ZC3H3: variants seen among roughly 807,000 people sequenced by gnomAD.
The protein encoded by ZC3H3 is zinc finger CCCH domain-containing protein 3.
ZC3H3 carries 36 observed loss-of-function variants against 77.3 expected under a neutral mutation model. The observed-to-expected ratio is 0.47, with a 90% confidence interval of 0.36 to 0.61. The LOEUF (loss-of-function observed/expected upper bound fraction) is 0.61. Ranked by LOEUF, ZC3H3 falls within the 20% of genes least tolerant of loss-of-function variation. ZC3H3 has a pLI of 0.00. For synonymous variants in ZC3H3, 626 were observed against 555.2 expected, an observed-to-expected ratio of 1.13 and a Z score of -1.79; for missense variants, 1,331 against 1,312.2, an observed-to-expected ratio of 1.01 and a Z score of -0.22.
chr8:143,440,355 G>T lies in ZC3H3; in HGVS notation c.2501C>A (p.Ser834Ter). ...VSASHGPRKP[S>*]ASQRPTRQTP... ...CTGCCTGGTGGGGCGCTGGGATGCT[G>T]AAGGCTTCCTGCAGGGAAGGAAGGG... The change falls in exon 11 of 12, where the codon TCA becomes TAA. Residue 834 changes from serine to a stop codon, truncating the protein, a stop_gained. Transcript: ENST00000262577. LOFTEE classifies it high-confidence loss of function. 1 of 1,525,316 alleles carries T rather than the reference G, an allele frequency of 6.6e-7. No individual in the cohort carries two copies. The highest frequency in any genetic ancestry group is 1.3e-5 in the South Asian group (1 of 78,824). The allele number at this position is 1,525,316 out of a possible 1,614,324, so 94.5% of individuals were successfully genotyped here. A position where few individuals can be genotyped will look rare whatever the true frequency, so the allele number is the denominator to read the frequency against.
intron 9 of ZC3H3, among the ~76,000 whole-genome samples, chr8:143,450,088 T>C: frequency 6.6e-6 from 1 of 152,232 alleles, no homozygotes; most frequent in Admixed American, 6.5e-5. Flanking sequence ...GTTTCCACAT[T>C]TTCAGGTATC....
intron 1 of ZC3H3, 124 bp downstream of exon 1, chr8:143,541,252 C>G (rs1417950957): frequency 1.3e-6 from 2 of 1,531,946 alleles, no homozygotes; most frequent in African/African-American, 2.8e-5. Flanking sequence ...CCTACCGTCC[C>G]CCACCCCAGC....
rs559566293 is a variant in ZC3H3 at position 143,479,457 on chromosome 8, G to A, written c.1716-3872C>T. ...GGCTCTGTAATTCCTTTTCCGCAAC[G>A]GGAGCTGCAGATCTAAAGGCCTCTC... On this transcript the variant is annotated intron_variant, in intron 4 of 11. Transcript: ENST00000262577. 5.9e-5 allele frequency among the ~76,000 whole-genome samples: 9 copies of A among 152,304 alleles called. No individual in the cohort carries two copies. In the South Asian group the frequency reaches 6.2e-4, roughly 11 times the overall value.
At chr8:143,500,977 CTTTT>C (rs36081285) in intron 4 of ZC3H3, among the ~76,000 whole-genome samples, 2 of 134,100 alleles carry the variant, frequency 1.5e-5, no homozygotes, top group Non-Finnish European at 3.2e-5. Context: ...CATGCCCGAC[CTTTT>C]TTTTTTTTTT....
rs886750764 is a variant in ZC3H3 at position 143,534,912 on chromosome 8, G to A, written c.1561+1345C>T. On this transcript the variant is annotated intron_variant, in intron 3 of 11. Transcript: ENST00000262577. ...CTGTGCTGCAACACCCGGCTGCATC[G>A]CCCCATTCAGCCCTCCACCTGGGAC... Among the ~76,000 whole-genome samples the A allele has an allele frequency of 6.6e-5, 10 of 151,806 alleles. No individual in the cohort carries two copies. The East Asian group carries it at 9.7e-4, about 15-fold the overall frequency.
chr8:143,532,531 G>A (rs1239861687), intron 3 of ZC3H3, among the ~76,000 whole-genome samples: 1 of 152,264 alleles, frequency 6.6e-6, no homozygotes, highest in Non-Finnish European at 1.5e-5. Flanking sequence ...CCACCTGGCT[G>A]CCCCATCCAC....
At chr8:143,502,556 G>A (rs1821557764) in intron 4 of ZC3H3, among the ~76,000 whole-genome samples, 1 of 152,332 alleles carries the variant, frequency 6.6e-6, no homozygotes, top group East Asian at 1.9e-4. Flanking sequence ...AGGCAGCCTC[G>A]TGACAGGACC....
intron 9 of ZC3H3, among the ~76,000 whole-genome samples, chr8:143,452,848 T>A (rs975776047): frequency 7.2e-5 from 11 of 152,252 alleles, no homozygotes; most frequent in Admixed American, 6.5e-5. Flanking sequence ...AGACCTAACA[T>A]TCATGTAACT....
intron 3 of ZC3H3, among the ~76,000 whole-genome samples, chr8:143,534,997 C>G (rs569557817): frequency 6.0e-4 from 91 of 152,218 alleles, no homozygotes; most frequent in Admixed American, 1.2e-3. Context: ...CCAGGCCCAG[C>G]TCCTTCCAGA....
chr8:143,513,812 C>T (rs546457164), intron 3 of ZC3H3, among the ~76,000 whole-genome samples: 40 of 152,348 alleles, frequency 2.6e-4, no homozygotes, highest in African/African-American at 9.4e-4. Flanking sequence ...GTCCGAGGCA[C>T]CTCCTGGAAG....
chr8:143,460,883 G>A lies in ZC3H3; in HGVS notation c.2307+4834C>T, dbSNP rs536601480. 1.3e-3 allele frequency among the ~76,000 whole-genome samples: 203 copies of A among 152,296 alleles called. No individual in the cohort carries two copies. The highest frequency in any genetic ancestry group is 2.6e-3 in the Non-Finnish European group (174 of 68,030). On this transcript the variant is annotated intron_variant, in intron 9 of 11. Transcript: ENST00000262577. This position sits in a 1 kb window ranked among gnomAD's most constrained non-coding sequence, Gnocchi z 4.0. ...CCAGACACCAAAGGACAGAATGTAC[G>A]ATTCCACTTAGAGGACATAGCTAGA...
At chr8:143,492,295 A>G (rs925032101) in intron 4 of ZC3H3, among the ~76,000 whole-genome samples, 7 of 151,982 alleles carry the variant, frequency 4.6e-5, no homozygotes, top group Non-Finnish European at 7.4e-5. Flanking sequence ...GGGGATACAC[A>G]CCACGGACTG....
intron 9 of ZC3H3, among the ~76,000 whole-genome samples, chr8:143,458,429 T>C (rs1820176559): frequency 6.8e-6 from 1 of 146,210 alleles, no homozygotes; most frequent in African/African-American, 2.5e-5. Flanking sequence ...GGAGGATCAC[T>C]TGAGCCCAGG....
At chr8:143,541,300 G>A (rs1355192084) in intron 1 of ZC3H3, 76 bp downstream of exon 1, 1 of 1,589,118 alleles carries the variant, frequency 6.3e-7, no homozygotes, top group Non-Finnish European at 8.6e-7. Flanking sequence ...CGACCCCTTC[G>A]ACAAGGGGGC....
intron 9 of ZC3H3, among the ~76,000 whole-genome samples, chr8:143,452,429 C>G (rs1820012416): frequency 6.6e-6 from 1 of 152,202 alleles, no homozygotes; most frequent in East Asian, 1.9e-4. Flanking sequence ...ACCCAACAGC[C>G]AGCATGACTA....
chr8:143,479,411 C>T lies in ZC3H3; in HGVS notation c.1716-3826G>A, dbSNP rs185989574. Among the ~76,000 whole-genome samples, 355 of 152,278 alleles carry T rather than the reference C, an allele frequency of 2.3e-3. 3 individuals are homozygous for T. Among genetic ancestry groups the T allele is most frequent in the African/African-American group, 7.8e-3 (325 of 41,542 alleles). On this transcript the variant is annotated intron_variant, in intron 4 of 11. Transcript: ENST00000262577. ...TAATAGCAGGGCCAAGGACCCGGAG[C>T]GCGCGTCTGCCCTCACGGAAGGCTC...
intron 4 of ZC3H3, among the ~76,000 whole-genome samples, chr8:143,504,484 G>A (rs1293225447): frequency 1.3e-5 from 2 of 152,140 alleles, no homozygotes; most frequent in African/African-American, 2.4e-5. Context: ...CTCTCAGGAC[G>A]GGTGGTAGAG....
intron 9 of ZC3H3, among the ~76,000 whole-genome samples, chr8:143,464,861 C>T (rs1820364939): frequency 6.6e-6 from 1 of 152,134 alleles, no homozygotes; most frequent in African/African-American, 2.4e-5. Flanking sequence ...CAGCCTCAGC[C>T]ACAAGCCTTA....
At chr8:143,540,498 G>C (rs1380503638) in intron 1 of ZC3H3, among the ~76,000 whole-genome samples, 1 of 152,204 alleles carries the variant, frequency 6.6e-6, no homozygotes, top group Admixed American at 6.5e-5. Flanking sequence ...CCAAAGTGCT[G>C]GGATTACAGG....
Sources: allele counts gnomAD v4.1 joint callset (sites outside exome capture counted in the v4.1 genomes callset), GRCh38; gene constraint gnomAD v4.1.1; non-coding constraint Gnocchi (gnomAD v3.1); transcripts MANE v1.5; gene names NCBI Gene and HGNC (gene_info 2026-07-23, HGNC 2026-07-21).